Variants in ZNF407 observed in about 807,000 individuals in gnomAD.
The protein encoded by ZNF407 is zinc finger protein 407.
Under a neutral mutation model 131.2 loss-of-function variants are expected in ZNF407, and 17 were observed. The observed-to-expected ratio is 0.13, with a 90% confidence interval of 0.09 to 0.19. The LOEUF (loss-of-function observed/expected upper bound fraction) is 0.19. Among genes scored for constraint, ZNF407 ranks in the 10% least tolerant of loss-of-function variants. ZNF407 has a pLI of 1.00. For synonymous variants in ZNF407, 1,156 were observed against 1,062.0 expected (o/e 1.09, Z -1.72); for missense variants, 2,681 against 2,830.6 (o/e 0.95, Z 1.20).
At chr18:74,871,582 A>C (rs1447963737) in intron 4 of ZNF407, among the ~76,000 whole-genome samples, 5 of 152,076 alleles carry the variant, frequency 3.3e-5, no homozygotes, top group Non-Finnish European at 7.4e-5. Context: ...ACAGTTTTAG[A>C]GGATAGTGAC....
intron 1 of ZNF407, among the ~76,000 whole-genome samples, chr18:74,626,863 A>G (rs1983807413): frequency 6.6e-6 from 1 of 152,202 alleles, no homozygotes. Flanking sequence ...GCTGTGGTGG[A>G]GGGACCAGCT....
Position 74,824,427 on chromosome 18 carries a change from TG to T in ZNF407, c.4877+42927del, listed in dbSNP as rs369470449. On this transcript the variant is annotated intron_variant, in intron 4 of 8. Coordinates refer to ENST00000299687, the MANE Select transcript of ZNF407 (RefSeq NM_017757.3). ...CAAAACAATCAATGAATTCAGGAGC[TG>T]GTTTTTTGAAAAGATCAACAAAATA... is the stretch of plus-strand genomic sequence containing the variant. 5.5e-3 allele frequency among the ~76,000 whole-genome samples: 843 copies of T among 152,246 alleles called. 5 individuals carry two copies. Among genetic ancestry groups the T allele is most frequent in the African/African-American group, 0.019 (775 of 41,534 alleles).
At chr18:74,678,352 C>G (rs1028507852) in intron 3 of ZNF407, among the ~76,000 whole-genome samples, 1 of 152,182 alleles carries the variant, frequency 6.6e-6, no homozygotes, top group Non-Finnish European at 1.5e-5. Context: ...GAGTACATCT[C>G]TTTGGGTTTC....
intron 8 of ZNF407, among the ~76,000 whole-genome samples, chr18:75,008,658 C>T (rs537646087): frequency 1.3e-5 from 2 of 152,300 alleles, no homozygotes; most frequent in East Asian, 3.9e-4. Flanking sequence ...CATCTTTTAA[C>T]TTAATCATTT....
At chr18:75,007,845 A>G (rs535348480) in intron 8 of ZNF407, among the ~76,000 whole-genome samples, 1 of 152,308 alleles carries the variant, frequency 6.6e-6, no homozygotes, top group East Asian at 1.9e-4. Context: ...AATTTACATC[A>G]GCTGCTTTGG....
At chr18:74,897,493 TC>T (rs1240974945) in intron 7 of ZNF407, among the ~76,000 whole-genome samples, 1 of 152,152 alleles carries the variant, frequency 6.6e-6, no homozygotes. Context: ...GCAAATCCAG[TC>T]ATTATAAAAG....
chr18:74,873,909 C>T (rs1368533655), intron 4 of ZNF407, among the ~76,000 whole-genome samples: 2 of 152,144 alleles, frequency 1.3e-5, no homozygotes, highest in Non-Finnish European at 2.9e-5. Context: ...TCAGAGTTTA[C>T]CCATGTTGCT....
intron 3 of ZNF407, 117 bp from the exon 4 acceptor site, chr18:74,781,311 T>G (rs1969596338): frequency 1.4e-6 from 1 of 699,382 alleles, no homozygotes; most frequent in East Asian, 3.1e-5. Flanking sequence ...AGAGTGCCAC[T>G]GTAATACGCT....
At chr18:74,657,988 C>T (rs1223453651) in intron 3 of ZNF407, among the ~76,000 whole-genome samples, 1 of 151,418 alleles carries the variant, frequency 6.6e-6, no homozygotes, top group Non-Finnish European at 1.5e-5. Flanking sequence ...TCCCTCCTTT[C>T]CCCCTTTCTT....
At chr18:74,725,679 A>C (rs893669421) in intron 3 of ZNF407, among the ~76,000 whole-genome samples, 3 of 152,140 alleles carry the variant, frequency 2.0e-5, no homozygotes, top group Non-Finnish European at 4.4e-5. Flanking sequence ...GAGTTTTTTC[A>C]TATGGCTTAG....
At position 74,633,952 on chromosome 18, in the gene ZNF407, A is replaced by G. The variant is rs1219485392; in HGVS notation, c.2933A>G (p.Asp978Gly). The G allele has an allele frequency of 4.3e-6, 7 of 1,614,046 alleles. No individual in the cohort carries two copies. Among genetic ancestry groups the G allele is most frequent in the Middle Eastern group, 1.6e-4 (1 of 6,062 alleles). The change falls in exon 2 of 9, where the codon GAT becomes GGT. Residue 978 changes from aspartate to glycine, a missense_variant. Coordinates refer to ENST00000299687, the MANE Select transcript of ZNF407 (RefSeq NM_017757.3). ...AEVENVFHSLDGEVNSHLLDK... is the reference protein window; with the variant it reads ...AEVENVFHSLGGEVNSHLLDK... ...GTTGAAAATGTATTTCATTCTCTAG[A>G]TGGAGAAGTTAACAGCCATCTTCTT... is the stretch of plus-strand genomic sequence containing the variant.
At chr18:74,690,159 A>G (rs1344700159) in intron 3 of ZNF407, among the ~76,000 whole-genome samples, 3 of 152,226 alleles carry the variant, frequency 2.0e-5, no homozygotes, top group South Asian at 2.1e-4. Context: ...TCTCCTATAT[A>G]TAATGGCACA....
chr18:74,692,545 G>A (rs2144802178), intron 3 of ZNF407, among the ~76,000 whole-genome samples: 1 of 152,196 alleles, frequency 6.6e-6, no homozygotes, highest in East Asian at 1.9e-4. Flanking sequence ...CGTGGATGGG[G>A]CCTTCTCAGA....
intron 8 of ZNF407, among the ~76,000 whole-genome samples, chr18:75,052,812 C>T (rs926921569): frequency 3.3e-5 from 5 of 152,212 alleles, no homozygotes; most frequent in African/African-American, 9.7e-5. Context: ...CTTTCCTGCA[C>T]GTGCACCCGG....
At chr18:74,739,325 A>AGAAAAGG (rs1968493833) in intron 3 of ZNF407, among the ~76,000 whole-genome samples, 2 of 151,950 alleles carry the variant, frequency 1.3e-5, no homozygotes, top group Non-Finnish European at 1.5e-5. Context: ...AGAGTGAACG[A>AGAAAAGG]GAAAAGGGAA....
chr18:74,677,471 T>G (rs996055685), intron 3 of ZNF407, among the ~76,000 whole-genome samples: 5 of 152,204 alleles, frequency 3.3e-5, no homozygotes, highest in Admixed American at 3.3e-4. Flanking sequence ...ATATTTTGAT[T>G]TATATGTTCC....
At chr18:74,890,083 A>G (rs1971363637) in intron 7 of ZNF407, 45 bp downstream of exon 7, 2 of 1,437,844 alleles carry the variant, frequency 1.4e-6, no homozygotes, top group East Asian at 5.4e-5. Context: ...GGCCGCCATG[A>G]TGGATTAAAA....
intron 8 of ZNF407, among the ~76,000 whole-genome samples, chr18:74,979,391 G>C (rs777792886): frequency 5.3e-5 from 8 of 152,062 alleles, no homozygotes; most frequent in Non-Finnish European, 1.2e-4. Flanking sequence ...TCCCGGGTTC[G>C]AGCAATTCTC....
chr18:74,649,626 A>G (rs1985136485), intron 3 of ZNF407, among the ~76,000 whole-genome samples: 1 of 152,236 alleles, frequency 6.6e-6, no homozygotes, highest in Admixed American at 6.5e-5. Context: ...TCTAGTGGAC[A>G]GGTAAAGAAA....
Sources: allele counts gnomAD v4.1 joint callset (sites outside exome capture counted in the v4.1 genomes callset), GRCh38; gene constraint gnomAD v4.1.1; transcripts MANE v1.5; gene names NCBI Gene and HGNC (gene_info 2026-07-23, HGNC 2026-07-21).